GPC6: variants seen among roughly 807,000 people sequenced by gnomAD.
The protein encoded by GPC6 is glypican-6.
In GPC6, 14 loss-of-function variants were observed where a neutral mutation model predicts 55.2. That is an observed-to-expected ratio of 0.25 (90% confidence interval 0.17 to 0.40). The LOEUF is 0.40. Among genes scored for constraint, GPC6 ranks in the 10% least tolerant of loss-of-function variants. GPC6 has a pLI of 1.00. For synonymous variants in GPC6, 278 were observed against 259.6 expected, an observed-to-expected ratio of 1.07 and a Z score of -0.68; for missense variants, 641 against 708.5, an observed-to-expected ratio of 0.90 and a Z score of 1.08.
intron 4 of GPC6, among the ~76,000 whole-genome samples, chr13:94,224,468 A>C (rs888640955): frequency 6.6e-6 from 1 of 151,680 alleles, no homozygotes; most frequent in Non-Finnish European, 1.5e-5. Context: ...ATGTCCATGC[A>C]TTTTTTTTAC....
At chr13:93,704,392 C>G (rs780295109) in intron 2 of GPC6, among the ~76,000 whole-genome samples, 1 of 151,906 alleles carries the variant, frequency 6.6e-6, no homozygotes, top group East Asian at 1.9e-4. Context: ...AGAAGCATCA[C>G]GTTGTCATGA....
chr13:93,320,170 G>C (rs1265325331), intron 1 of GPC6, among the ~76,000 whole-genome samples: 1 of 152,138 alleles, frequency 6.6e-6, no homozygotes, highest in East Asian at 1.9e-4. Flanking sequence ...TAGACTATTT[G>C]GCTTATCAGA....
At chr13:93,435,143 C>G (rs1019748045) in intron 1 of GPC6, among the ~76,000 whole-genome samples, 1 of 151,450 alleles carries the variant, frequency 6.6e-6, no homozygotes, top group African/African-American at 2.4e-5. Context: ...GAGACATGGT[C>G]TCACTCTTTC....
intron 2 of GPC6, among the ~76,000 whole-genome samples, chr13:93,691,874 T>C (rs1009560943): frequency 3.9e-5 from 6 of 152,074 alleles, no homozygotes; most frequent in African/African-American, 1.4e-4. Flanking sequence ...ATAATCATCA[T>C]TTAGCAAGTT....
At chr13:93,429,283 A>T (rs1278800717) in intron 1 of GPC6, among the ~76,000 whole-genome samples, 1 of 152,136 alleles carries the variant, frequency 6.6e-6, no homozygotes, top group Non-Finnish European at 1.5e-5. Flanking sequence ...AAGAAAAAAA[A>T]ATCCCTCCTT....
chr13:93,844,942 A>T (rs546393297), intron 3 of GPC6, among the ~76,000 whole-genome samples: 5 of 152,164 alleles, frequency 3.3e-5, no homozygotes, highest in Admixed American at 3.3e-4. Context: ...TTTGTCAAAG[A>T]TCAGATAGTT....
chr13:93,236,714 ATGAAACCAT>A (rs1876246611), intron 1 of GPC6, among the ~76,000 whole-genome samples: 1 of 152,198 alleles, frequency 6.6e-6, no homozygotes, highest in Non-Finnish European at 1.5e-5. Flanking sequence ...ACTGTCTTTT[ATGAAACCAT>A]TCCCTGGTGC....
chr13:94,000,514 A>G (rs116494176), intron 3 of GPC6, among the ~76,000 whole-genome samples: 43 of 152,268 alleles, frequency 2.8e-4, no homozygotes, highest in African/African-American at 9.4e-4. Flanking sequence ...AACATCTTCT[A>G]TAGCTTCTCT....
At chr13:93,235,561 G>A (rs1328363) in intron 1 of GPC6, among the ~76,000 whole-genome samples, 86,341 of 151,748 alleles carry the variant, frequency 0.57, 25,171 homozygotes, top group African/African-American at 0.67. Context: ...GCAGGAGATT[G>A]CCAAGGTCTC....
At chr13:93,871,327 A>G (rs1010256943) in intron 3 of GPC6, among the ~76,000 whole-genome samples, 2 of 151,960 alleles carry the variant, frequency 1.3e-5, no homozygotes, top group Admixed American at 6.6e-5. Flanking sequence ...AATTATTTGT[A>G]AAGTTCCTAG....
intron 4 of GPC6, among the ~76,000 whole-genome samples, chr13:94,251,566 T>A (rs1360894938): frequency 6.6e-6 from 1 of 152,068 alleles, no homozygotes; most frequent in African/African-American, 2.4e-5. Context: ...GTGAAATTGT[T>A]TTTCACCTTA....
chr13:94,151,558 G>A (rs889590720), intron 4 of GPC6, among the ~76,000 whole-genome samples: 1 of 152,114 alleles, frequency 6.6e-6, no homozygotes, highest in Non-Finnish European at 1.5e-5. Context: ...GAGCTCAACA[G>A]TGTTTTCTCT....
intron 6 of GPC6, among the ~76,000 whole-genome samples, chr13:94,345,118 A>C (rs529621066): frequency 2.3e-4 from 35 of 152,356 alleles, no homozygotes; most frequent in African/African-American, 8.2e-4. Flanking sequence ...AAACGTTTGA[A>C]GCAGATAATA....
At chr13:93,700,325 G>A (rs1882624416) in intron 2 of GPC6, among the ~76,000 whole-genome samples, 1 of 152,020 alleles carries the variant, frequency 6.6e-6, no homozygotes, top group South Asian at 2.1e-4. Flanking sequence ...TTCCAGTCAA[G>A]GCAGAAGGAC....
intron 2 of GPC6, among the ~76,000 whole-genome samples, chr13:93,667,737 T>TTTTTTTTTTG (rs1188281581): frequency 1.5e-5 from 2 of 137,414 alleles, no homozygotes; most frequent in Non-Finnish European, 3.0e-5. Context: ...CAGGACTTGT[T>TTTTTTTTTTG]TTTTTTTTTT....
intron 2 of GPC6, among the ~76,000 whole-genome samples, chr13:93,616,121 G>A (rs1031436849): frequency 1.3e-5 from 2 of 152,000 alleles, no homozygotes; most frequent in African/African-American, 2.4e-5. Context: ...TACTTTCACT[G>A]TTTGGGGAAA....
intron 2 of GPC6, among the ~76,000 whole-genome samples, chr13:93,599,362 C>G (rs986003016): frequency 2.6e-5 from 4 of 151,002 alleles, no homozygotes; most frequent in Admixed American, 1.3e-4. Flanking sequence ...GTTGGCAGCT[C>G]AAATCCAACT....
chr13:94,222,733 A>G (rs2139003086), intron 4 of GPC6, among the ~76,000 whole-genome samples: 1 of 152,264 alleles, frequency 6.6e-6, no homozygotes, highest in South Asian at 2.1e-4. Flanking sequence ...GAAAGTTTTC[A>G]AATAAGACAT....
At chr13:93,473,570 A>G (rs1302498518) in intron 1 of GPC6, among the ~76,000 whole-genome samples, 2 of 152,172 alleles carry the variant, frequency 1.3e-5, no homozygotes, top group Non-Finnish European at 2.9e-5. Context: ...AAGGCAGTGG[A>G]GCGCATGCAT....
Sources: gnomAD v4.1 joint callset for allele counts (sites outside exome capture counted in the v4.1 genomes callset) on GRCh38, gnomAD v4.1.1 for gene constraint, MANE v1.5 for transcripts, NCBI Gene and HGNC (gene_info 2026-07-23, HGNC 2026-07-21) for gene names.